Variants in IL1RAPL1 observed in about 807,000 individuals in gnomAD.
The protein encoded by IL1RAPL1 is interleukin 1 receptor accessory protein like 1, also known as interleukin-1 receptor accessory protein-like 1.
IL1RAPL1 carries 3 observed loss-of-function variants against 48.4 expected under a neutral mutation model. That is an observed-to-expected ratio of 0.06 (90% CI 0.03 to 0.16). IL1RAPL1 has a LOEUF of 0.16. IL1RAPL1 is among the 10% of genes least tolerant of loss of function. The pLI is 1.00. For missense variants in IL1RAPL1, 349 were observed against 530.6 expected (o/e 0.66, Z 3.36); for synonymous variants, 185 against 187.7 (o/e 0.99, Z 0.12).
At chrX:29,098,209 C>T (rs1928257022) in intron 2 of IL1RAPL1, among the ~76,000 whole-genome samples, 1 of 110,934 alleles carries the variant, frequency 9.0e-6, no homozygotes, top group African/African-American at 3.3e-5. Context: ...TCTGTTTCTC[C>T]CAAACATCTG....
At chrX:29,706,045 G>A (rs911206297) in intron 6 of IL1RAPL1, among the ~76,000 whole-genome samples, 2 of 111,771 alleles carry the variant, frequency 1.8e-5, no homozygotes, top group Non-Finnish European at 3.8e-5. Context: ...CACATCTTAC[G>A]TGGATGGCAG....
intron 5 of IL1RAPL1, among the ~76,000 whole-genome samples, chrX:29,493,744 C>T (rs745929793): frequency 1.8e-4 from 20 of 111,143 alleles, no homozygotes; most frequent in Non-Finnish European, 3.2e-4. Context: ...TTGCATAATG[C>T]TGAGGTTTGG....
intron 6 of IL1RAPL1, among the ~76,000 whole-genome samples, chrX:29,748,472 C>T (rs1002275336): frequency 8.0e-5 from 9 of 112,778 alleles, no homozygotes; most frequent in Non-Finnish European, 1.1e-4. Context: ...CTAATCTTAA[C>T]TGAGTAATTA....
intron 2 of IL1RAPL1, among the ~76,000 whole-genome samples, chrX:28,963,843 T>C (rs993050079): frequency 1.8e-5 from 2 of 111,237 alleles, no homozygotes; most frequent in African/African-American, 6.5e-5. Context: ...AAATACACAA[T>C]ATACCCTATT....
At chrX:29,924,951 G>A (rs1301255028) in intron 8 of IL1RAPL1, among the ~76,000 whole-genome samples, 4 of 111,632 alleles carry the variant, frequency 3.6e-5, no homozygotes, top group Admixed American at 2.9e-4. Context: ...TTGTTTTAAA[G>A]CCAGATGAAT....
At chrX:29,590,084 C>CGA (rs1014373495) in intron 5 of IL1RAPL1, among the ~76,000 whole-genome samples, 2 of 110,099 alleles carry the variant, frequency 1.8e-5, no homozygotes, top group Admixed American at 9.7e-5. Flanking sequence ...AGAGCAGGAA[C>CGA]GAGAGAGAGA....
At chrX:29,619,192 G>A (rs1031971200) in intron 5 of IL1RAPL1, among the ~76,000 whole-genome samples, 3 of 111,632 alleles carry the variant, frequency 2.7e-5, no homozygotes, top group Non-Finnish European at 3.8e-5. Context: ...TGTATATTCC[G>A]ATGAACTGAT....
chrX:28,779,089 C>A (rs779171136), intron 1 of IL1RAPL1, among the ~76,000 whole-genome samples: 1 of 111,709 alleles, frequency 9.0e-6, no homozygotes, highest in African/African-American at 3.2e-5. Context: ...GACTTTTACT[C>A]CTGAGTGTGT....
chrX:29,513,199 A>G (rs187459939), intron 5 of IL1RAPL1, among the ~76,000 whole-genome samples: 2,761 of 104,137 alleles, frequency 0.027, 85 homozygotes, highest in African/African-American at 0.091. Context: ...TGAAAAGAGG[A>G]AAAAATATGC....
chrX:28,653,554 A>G (rs935565436), intron 1 of IL1RAPL1, among the ~76,000 whole-genome samples: 4 of 111,565 alleles, frequency 3.6e-5, no homozygotes, highest in African/African-American at 1.3e-4. Context: ...CAGCTCATAT[A>G]CTAGGCTGAG....
At chrX:28,863,156 A>G (rs1921989512) in intron 2 of IL1RAPL1, among the ~76,000 whole-genome samples, 1 of 111,708 alleles carries the variant, frequency 9.0e-6, no homozygotes, top group African/African-American at 3.3e-5. Flanking sequence ...CTGGGATTGC[A>G]GGTGTGAGCC....
At chrX:28,892,095 C>A (rs1444152591) in intron 2 of IL1RAPL1, among the ~76,000 whole-genome samples, 1 of 110,395 alleles carries the variant, frequency 9.1e-6, no homozygotes, top group Non-Finnish European at 1.9e-5. Flanking sequence ...TATAAGAGTT[C>A]TTTATATATT....
intron 3 of IL1RAPL1, among the ~76,000 whole-genome samples, chrX:29,308,709 A>G (rs996663471): frequency 1.8e-5 from 2 of 112,243 alleles, no homozygotes; most frequent in Non-Finnish European, 3.8e-5. Context: ...TTTCTTAAGG[A>G]TCTGTCCTTG....
intron 2 of IL1RAPL1, among the ~76,000 whole-genome samples, chrX:29,267,616 A>T (rs1010440338): frequency 2.7e-5 from 3 of 111,043 alleles, no homozygotes; most frequent in African/African-American, 9.8e-5. Flanking sequence ...ATTTTTTTTT[A>T]AAGCAAAGCT....
chrX:29,386,217 C>A (rs965301505), intron 3 of IL1RAPL1, among the ~76,000 whole-genome samples: 1 of 110,807 alleles, frequency 9.0e-6, no homozygotes, highest in African/African-American at 3.3e-5. Flanking sequence ...TTAGTAGAGA[C>A]GGGGATTTCA....
At chrX:29,686,480 C>T (rs187781739) in intron 6 of IL1RAPL1, among the ~76,000 whole-genome samples, 49 of 110,291 alleles carry the variant, frequency 4.4e-4, no homozygotes, top group Middle Eastern at 4.7e-3. Context: ...AGAGCTTTTA[C>T]AAAACATATG....
chrX:28,693,336 G>A (rs1935198906), intron 1 of IL1RAPL1, among the ~76,000 whole-genome samples: 2 of 112,156 alleles, frequency 1.8e-5, no homozygotes, highest in Admixed American at 1.9e-4. Context: ...CCTTCACAAG[G>A]CAGCTCTGCC....
At position 29,133,689 on chromosome X, in the gene IL1RAPL1, G is replaced by T. The variant is rs1282356168; in HGVS notation, c.83-149249G>T. ...TAATACAATATATTGACATATTATTGTTAACTAAATCCATAGTTTATGCTG... is the reference window on the plus strand; with the variant it reads ...TAATACAATATATTGACATATTATTTTTAACTAAATCCATAGTTTATGCTG... On this transcript the variant is annotated intron_variant, in intron 2 of 10. Transcript: ENST00000378993. Among the ~76,000 whole-genome samples the T allele has an allele frequency of 4.5e-5, 5 of 111,582 alleles. 1 individual carries two copies. The Admixed American group carries it at 4.8e-4, about 11-fold the overall frequency.
intron 2 of IL1RAPL1, among the ~76,000 whole-genome samples, chrX:29,134,713 A>G (rs1158506491): frequency 9.0e-6 from 1 of 111,386 alleles, no homozygotes; most frequent in Non-Finnish European, 1.9e-5. Flanking sequence ...TCCTATTCTG[A>G]TTCCATTTTT....
Sources: gnomAD v4.1 joint callset for allele counts (sites outside exome capture counted in the v4.1 genomes callset) on GRCh38, gnomAD v4.1.1 for gene constraint, MANE v1.5 for transcripts, NCBI Gene and HGNC (gene_info 2026-07-23, HGNC 2026-07-21) for gene names.